GPC5: variants seen among roughly 807,000 people sequenced by gnomAD.
GPC5 encodes glypican 5.
A neutral mutation model predicts 53.9 loss-of-function variants in GPC5; 47 were observed. That is an observed-to-expected ratio of 0.87 (90% CI 0.69 to 1.11). The LOEUF is 1.11. Ranked by LOEUF, GPC5 falls within the 50% of genes most tolerant of loss-of-function variation. The pLI is 0.00. For synonymous variants in GPC5, 286 were observed against 263.3 expected (o/e 1.09, Z -0.84); for missense variants, 748 against 713.1 (o/e 1.05, Z -0.56).
chr13:91,736,093 G>T (rs967625108), intron 4 of GPC5, among the ~76,000 whole-genome samples: 1 of 150,918 alleles, frequency 6.6e-6, no homozygotes, highest in African/African-American at 2.5e-5. Context: ...TTCAAGGATG[G>T]GATATAGCAG....
chr13:92,394,572 G>T (rs1263393038), intron 7 of GPC5, among the ~76,000 whole-genome samples: 4 of 152,272 alleles, frequency 2.6e-5, no homozygotes, highest in African/African-American at 9.6e-5. Flanking sequence ...CCAGCCTCTA[G>T]AACTATGAAA....
chr13:92,172,786 T>C (rs987684913), intron 7 of GPC5, among the ~76,000 whole-genome samples: 1 of 152,104 alleles, frequency 6.6e-6, no homozygotes, highest in African/African-American at 2.4e-5. Context: ...AAACTGGAAA[T>C]GTGCAACATG....
At chr13:91,418,272 G>A (rs1456585342) in intron 1 of GPC5, among the ~76,000 whole-genome samples, 1 of 152,128 alleles carries the variant, frequency 6.6e-6, no homozygotes, top group Non-Finnish European at 1.5e-5. Context: ...AGAAGAAAGG[G>A]TTTTGAGAAC....
intron 3 of GPC5, among the ~76,000 whole-genome samples, chr13:91,707,265 T>C (rs2036125987): frequency 6.6e-6 from 1 of 152,158 alleles, no homozygotes; most frequent in African/African-American, 2.4e-5. Flanking sequence ...ATTAGTGGCA[T>C]ATAAATCAAA....
chr13:91,410,111 G>T (rs1877609853), intron 1 of GPC5, among the ~76,000 whole-genome samples: 1 of 152,162 alleles, frequency 6.6e-6, no homozygotes, highest in East Asian at 1.9e-4. Flanking sequence ...TTTAGCAAAT[G>T]ACCCAACCTC....
At chr13:92,662,604 T>C (rs1251367278) in intron 7 of GPC5, among the ~76,000 whole-genome samples, 2 of 152,182 alleles carry the variant, frequency 1.3e-5, no homozygotes, top group African/African-American at 4.8e-5. Context: ...TACATGATTT[T>C]TTCCTTTGGA....
chr13:91,624,307 G>A (rs2033942961), intron 2 of GPC5, among the ~76,000 whole-genome samples: 1 of 152,134 alleles, frequency 6.6e-6, no homozygotes, highest in African/African-American at 2.4e-5. Flanking sequence ...TTACCAACAT[G>A]TAGAGAGACA....
chr13:92,276,447 C>A (rs1412412178), intron 7 of GPC5, among the ~76,000 whole-genome samples: 1 of 151,950 alleles, frequency 6.6e-6, no homozygotes, highest in African/African-American at 2.4e-5. Context: ...GACTATTATT[C>A]TTTGAGGCCA....
intron 7 of GPC5, among the ~76,000 whole-genome samples, chr13:92,379,467 TCTCTCTCTGTCCTCTGCACGTTAGTTC>T (rs1325734956): frequency 1.3e-5 from 2 of 152,098 alleles, no homozygotes; most frequent in African/African-American, 2.4e-5. Context: ...CACTATTAAT[TCTCTCTCTGTCCTCTGCACGTTAGTTC>T]CTCTCTCTGT....
At chr13:91,774,392 C>G (rs2037675495) in intron 5 of GPC5, among the ~76,000 whole-genome samples, 1 of 152,082 alleles carries the variant, frequency 6.6e-6, no homozygotes, top group African/African-American at 2.4e-5. Flanking sequence ...TTATTGGGTG[C>G]CTACTGTGTG....
intron 7 of GPC5, among the ~76,000 whole-genome samples, chr13:92,288,648 G>C (rs1047342066): frequency 6.6e-6 from 1 of 152,162 alleles, no homozygotes; most frequent in African/African-American, 2.4e-5. Flanking sequence ...GATTCTGACA[G>C]TCTTGCCACC....
intron 7 of GPC5, among the ~76,000 whole-genome samples, chr13:92,362,629 T>C (rs1004661391): frequency 1.3e-5 from 2 of 151,874 alleles, no homozygotes; most frequent in African/African-American, 4.9e-5. Flanking sequence ...CAGCACATAA[T>C]TCACCTCAGC....
intron 2 of GPC5, among the ~76,000 whole-genome samples, chr13:91,648,980 G>T (rs1253742384): frequency 6.6e-6 from 1 of 152,166 alleles, no homozygotes; most frequent in Non-Finnish European, 1.5e-5. Flanking sequence ...GAGGGACCCA[G>T]TGGGAGGTAA....
chr13:92,233,358 T>A (rs2042545218), intron 7 of GPC5, among the ~76,000 whole-genome samples: 1 of 152,222 alleles, frequency 6.6e-6, no homozygotes, highest in South Asian at 2.1e-4. Context: ...ATTTGAAATA[T>A]CTGTGTATTG....
chr13:92,740,367 C>T (rs1405358442), intron 7 of GPC5, among the ~76,000 whole-genome samples: 1 of 152,024 alleles, frequency 6.6e-6, no homozygotes, highest in African/African-American at 2.4e-5. Flanking sequence ...AATAGCTGTT[C>T]ATTTGCTTTT....
chr13:92,475,399 C>T (rs1879073087), intron 7 of GPC5, among the ~76,000 whole-genome samples: 1 of 146,276 alleles, frequency 6.8e-6, no homozygotes, highest in Non-Finnish European at 1.5e-5. Flanking sequence ...TTGTAGTTCT[C>T]CTTGAAGAGG....
chr13:92,739,656 T>G (rs1366049123), intron 7 of GPC5, among the ~76,000 whole-genome samples: 1 of 151,690 alleles, frequency 6.6e-6, no homozygotes, highest in Non-Finnish European at 1.5e-5. Context: ...CAACATCAAT[T>G]TTTCTTTCTC....
intron 5 of GPC5, among the ~76,000 whole-genome samples, chr13:91,869,894 C>A (rs2039125131): frequency 6.6e-6 from 1 of 152,122 alleles, no homozygotes; most frequent in East Asian, 1.9e-4. Context: ...TTCCTGAGAA[C>A]TCACTGTCAT....
At chr13:92,667,466 A>T (rs551607429) in intron 7 of GPC5, among the ~76,000 whole-genome samples, 1 of 152,170 alleles carries the variant, frequency 6.6e-6, no homozygotes. Flanking sequence ...ACAACCAAAC[A>T]GTATATTTGG....
Sources: allele counts gnomAD v4.1 joint callset (sites outside exome capture counted in the v4.1 genomes callset), GRCh38; gene constraint gnomAD v4.1.1; transcripts MANE v1.5; gene names NCBI Gene and HGNC (gene_info 2026-07-23, HGNC 2026-07-21).